NPAS2: variants seen among roughly 807,000 people sequenced by gnomAD.
NPAS2 encodes the protein neuronal PAS domain-containing protein 2.
A neutral mutation model predicts 107.5 loss-of-function variants in NPAS2; 23 were observed. The observed-to-expected ratio is 0.21, with a 90% CI of 0.15 to 0.30. The LOEUF is 0.30. NPAS2 is among the 10% of genes least tolerant of loss of function. NPAS2 has a pLI of 1.00. For synonymous variants in NPAS2, 403 were observed against 417.5 expected, an observed-to-expected ratio of 0.97 and a Z score of 0.42; for missense variants, 756 against 1,043.3, an observed-to-expected ratio of 0.72 and a Z score of 3.79.
rs1674397840 is a variant in NPAS2 at position 100,938,907 on chromosome 2, C to G, written c.363+1065C>G. 3.3e-5 allele frequency among the ~76,000 whole-genome samples: 5 copies of G among 152,202 alleles called. No homozygotes were observed. The South Asian group carries it at 1.0e-3, about 32-fold the overall frequency. ...CCTTCCCCACCACCCCCGACCCCTG[C>G]TCATCCATGGATAGGTGGCCAGTTT... On this transcript the variant is annotated intron_variant, in intron 5 of 20. Coordinates refer to ENST00000335681, the MANE Select transcript of NPAS2 (RefSeq NM_002518.4).
At chr2:100,859,103 A>G (rs1308505944) in intron 1 of NPAS2, among the ~76,000 whole-genome samples, 1 of 152,204 alleles carries the variant, frequency 6.6e-6, no homozygotes, top group Non-Finnish European at 1.5e-5. Flanking sequence ...TGTATCTACA[A>G]AAAATACAAA....
intron 4 of NPAS2, among the ~76,000 whole-genome samples, chr2:100,935,927 G>A (rs1684271488): frequency 6.6e-6 from 1 of 152,072 alleles, no homozygotes; most frequent in Non-Finnish European, 1.5e-5. Flanking sequence ...TCTTCGTTGT[G>A]GGGACTCTCC....
Position 100,878,351 on chromosome 2 carries a change from C to T in NPAS2, c.-22-26382C>T, listed in dbSNP as rs140226506. ...TCTGCAGGCCAGGAGGAGACTGTCA[C>T]CCACAACGGAATGTCCTTCTTTGGA... On this transcript the variant is annotated intron_variant, in intron 1 of 20. Transcript: ENST00000335681. 5.1e-6 allele frequency: 5 copies of T among 985,236 alleles called. No homozygotes were observed. The East Asian group carries it at 5.7e-4, about 112-fold the overall frequency. 61.0% of individuals were successfully genotyped at this position (985,236 alleles called of 1,614,324 possible).
intron 6 of NPAS2, among the ~76,000 whole-genome samples, chr2:100,948,651 A>G (rs939984554): frequency 6.6e-6 from 1 of 152,170 alleles, no homozygotes; most frequent in Non-Finnish European, 1.5e-5. Flanking sequence ...GTCTTTTAGT[A>G]AGAAACAGTG....
intron 1 of NPAS2, among the ~76,000 whole-genome samples, chr2:100,862,082 A>C (rs1678976860): frequency 6.6e-6 from 1 of 152,228 alleles, no homozygotes. Context: ...TTAAAAATAG[A>C]TTGTGGATAA....
intron 1 of NPAS2, chr2:100,901,730 G>C (rs1681793353): frequency 5.9e-6 from 1 of 168,368 alleles, no homozygotes; most frequent in Admixed American, 6.5e-5. Context: ...TCCCCTTACA[G>C]GTGTTCACAG....
At chr2:100,936,314 C>T (rs1045123764) in intron 4 of NPAS2, among the ~76,000 whole-genome samples, 16 of 152,348 alleles carry the variant, frequency 1.1e-4, no homozygotes, top group African/African-American at 3.1e-4. Context: ...TCAGACATCA[C>T]GTGACCATCT....
chr2:100,859,889 C>T (rs1213811018), intron 1 of NPAS2, among the ~76,000 whole-genome samples: 1 of 152,146 alleles, frequency 6.6e-6, no homozygotes, highest in Non-Finnish European at 1.5e-5. Context: ...ATCACAGTTG[C>T]CTATCATGTT....
chr2:100,974,689 T>C (rs1173301005), intron 12 of NPAS2, 114 bp from the exon 13 acceptor site: 2 of 1,145,822 alleles, frequency 1.7e-6, no homozygotes, highest in Non-Finnish European at 1.2e-6. Context: ...CAAACAACTA[T>C]GGTATTTGTC....
intron 1 of NPAS2, among the ~76,000 whole-genome samples, chr2:100,904,154 A>G (rs1573586232): frequency 6.7e-6 from 1 of 148,298 alleles, no homozygotes; most frequent in East Asian, 1.9e-4. Context: ...ATGGACAGAT[A>G]AACACTCTCC....
chr2:100,932,147 T>A lies in NPAS2; in HGVS notation c.182-763T>A, dbSNP rs193197170. Among the ~76,000 whole-genome samples the A allele has an allele frequency of 4.1e-4, 63 of 152,328 alleles. 1 individual carries two copies. The East Asian group carries it at 0.011, about 26-fold the overall frequency. ...ATAAACTGAAGGAAAAACAAACATA[T>A]TTGATATTACATTTGAGCCACCTAT... On this transcript the variant is annotated intron_variant, in intron 3 of 20. Transcript: ENST00000335681.
intron 1 of NPAS2, among the ~76,000 whole-genome samples, chr2:100,869,103 A>T (rs1573504217): frequency 3.4e-5 from 5 of 147,182 alleles, no homozygotes; most frequent in Non-Finnish European, 4.5e-5. Flanking sequence ...TAATTTTTGT[A>T]TTTTTTTTTT....
At chr2:100,947,046 G>A (rs1446797541) in intron 5 of NPAS2, among the ~76,000 whole-genome samples, 1 of 152,306 alleles carries the variant, frequency 6.6e-6, no homozygotes, top group African/African-American at 2.4e-5. Context: ...CTGAGTGGCA[G>A]TTGGAAGGCT....
chr2:100,875,880 C>T (rs1679936156), intron 1 of NPAS2, among the ~76,000 whole-genome samples: 1 of 152,190 alleles, frequency 6.6e-6, no homozygotes, highest in Middle Eastern at 3.4e-3. Flanking sequence ...AATCAAATAC[C>T]GCAGAAAGCA....
chr2:100,953,919 C>T (rs1384900951), intron 7 of NPAS2, among the ~76,000 whole-genome samples: 3 of 152,178 alleles, frequency 2.0e-5, no homozygotes, highest in African/African-American at 7.2e-5. Context: ...TAATCAAACA[C>T]AAAGACACAC....
chr2:100,887,340 C>G (rs1680759545), intron 1 of NPAS2, among the ~76,000 whole-genome samples: 1 of 152,234 alleles, frequency 6.6e-6, no homozygotes, highest in Non-Finnish European at 1.5e-5. Flanking sequence ...ACAGCAGGAA[C>G]AGAGCAGTGG....
At chr2:100,909,646 A>G (rs1682405413) in intron 2 of NPAS2, among the ~76,000 whole-genome samples, 1 of 151,864 alleles carries the variant, frequency 6.6e-6, no homozygotes, top group Non-Finnish European at 1.5e-5. Context: ...ATTTCCTTTC[A>G]TAGGCTTTGG....
At chr2:100,948,169 T>A (rs1675016813) in intron 5 of NPAS2, 66 bp from the exon 6 acceptor site, 1 of 1,578,084 alleles carries the variant, frequency 6.3e-7, no homozygotes, top group East Asian at 2.3e-5. Context: ...ATGTTCAATT[T>A]TTGTTTTTGC....
chr2:100,844,704 C>T (rs926659741), intron 1 of NPAS2, among the ~76,000 whole-genome samples: 1 of 152,056 alleles, frequency 6.6e-6, no homozygotes, highest in East Asian at 1.9e-4. Context: ...TGATGCTGTC[C>T]GGATGAGTCA....
Sources: gnomAD v4.1 joint callset for allele counts (sites outside exome capture counted in the v4.1 genomes callset) on GRCh38, gnomAD v4.1.1 for gene constraint, MANE v1.5 for transcripts, NCBI Gene and HGNC (gene_info 2026-07-23, HGNC 2026-07-21) for gene names.